The following SMG8 variants were observed in gnomAD, a reference collection of about 807,000 sequenced individuals.
The protein encoded by SMG8 is SMG8 nonsense mediated mRNA decay factor.
SMG8 carries 49 observed loss-of-function variants against 82.1 expected under a neutral mutation model. The observed-to-expected ratio is 0.60, with a 90% CI of 0.47 to 0.76. SMG8 has a LOEUF of 0.76. Ranked by LOEUF, SMG8 falls within the 30% of genes least tolerant of loss-of-function variation. SMG8 has a pLI of 0.00. For synonymous variants in SMG8, 404 were observed against 430.0 expected (o/e 0.94, Z 0.75); for missense variants, 969 against 1,166.4 (o/e 0.83, Z 2.46).
Position 59,212,943 on chromosome 17 carries a change from G to A in SMG8, c.2120G>A (p.Gly707Asp), listed in dbSNP as rs1255706272. The change falls in exon 3 of 4, where the codon GGT (glycine) becomes GAT (aspartate). Residue 707 changes from glycine to aspartate, a missense_variant. Physicochemically the swap from Gly to Asp is moderately conservative, Grantham distance 94 (BLOSUM62 -1). Coordinates refer to ENST00000300917, the MANE Select transcript of SMG8 (RefSeq NM_018149.7). Reference protein sequence around the residue: ...LSLGQSTDSLGTYPADPQAGG... With the variant: ...LSLGQSTDSLDTYPADPQAGG... The stretch of plus-strand genomic sequence containing the variant: ...TTGGGCCAATCCACAGATAGCTTAG[G>A]TACCTATCCAGCTGATCCACAAGCA... The A allele has an allele frequency of 6.2e-7, 1 of 1,614,098 alleles. No individual in the cohort carries two copies. Among genetic ancestry groups the A allele is most frequent in the South Asian group, 1.1e-5 (1 of 91,080 alleles).
At position 59,214,979 on chromosome 17, in the gene SMG8, G is replaced by T. The variant is rs772069320; in HGVS notation, c.2953G>T (p.Val985Phe). The change falls in exon 4 of 4, where the codon GTT becomes TTT. Residue 985 changes from valine to phenylalanine, a missense_variant. Coordinates refer to ENST00000300917, the MANE Select transcript of SMG8 (RefSeq NM_018149.7). Reference protein sequence around the residue: ...QLMSYKVLRGVLKAVTQ With the variant: ...QLMSYKVLRGFLKAVTQ Reference sequence around the variant, plus strand: ...AATGAGCTACAAGGTGCTCCGTGGGGTTCTTAAGGCAGTAACACAATAAGT... The same window carrying T: ...AATGAGCTACAAGGTGCTCCGTGGGTTTCTTAAGGCAGTAACACAATAAGT... 4 of 872,840 alleles carry T rather than the reference G, an allele frequency of 4.6e-6. No individual in the cohort carries two copies. Among genetic ancestry groups the T allele is most frequent in the East Asian group, 2.4e-5 (1 of 41,702 alleles). 54.1% of individuals were successfully genotyped at this position (872,840 alleles called of 1,614,324 possible).
At chr17:59,213,777 A>C (rs56327444) in intron 3 of SMG8, among the ~76,000 whole-genome samples, 176 bp downstream of exon 3, 1 of 152,158 alleles carries the variant, frequency 6.6e-6, no homozygotes, top group Non-Finnish European at 1.5e-5. Context: ...GCTTGAGCCC[A>C]GGAGTTTAAG....
chr17:59,211,839 A>AT, intron 1 of SMG8, 29 bp downstream of exon 1: 1 of 1,495,238 alleles, frequency 6.7e-7, no homozygotes, highest in Non-Finnish European at 8.9e-7. Context: ...GCATTTTGAA[A>AT]TAAAAACTTT....
Position 59,214,818 on chromosome 17 carries a change from C to T in SMG8, c.2792C>T (p.Pro931Leu), listed in dbSNP as rs1778352379. Residue 931 changes from proline to leucine, a missense_variant, in exon 4 of 4, where the codon CCA becomes CTA. By Grantham distance (98) the Pro-to-Leu change is moderately conservative. This residue lies in a region of SMG8 where 101 missense variants were observed against 91.1 expected (regional missense o/e 1.11). Coordinates refer to ENST00000300917, the MANE Select transcript of SMG8 (RefSeq NM_018149.7). ...TGTGTTTTTCAGGTTCAGCCAGGCCCACCACCATGTCCGGTATTCTACCCA... is the reference window on the plus strand; with the variant it reads ...TGTGTTTTTCAGGTTCAGCCAGGCCTACCACCATGTCCGGTATTCTACCCA... ...IILMPQVQPG[P>L]PPCPVFYPEK... 1.1e-6 allele frequency: 1 copy of T among 872,862 alleles called. No homozygotes were observed. Among genetic ancestry groups the T allele is most frequent in the Non-Finnish European group, 2.0e-6 (1 of 501,648 alleles). 54.1% of individuals were successfully genotyped at this position (872,862 alleles called of 1,614,324 possible).
rs2046946035 is a variant in SMG8 at position 59,211,593 on chromosome 17, T to A, written c.1542T>A (p.Asn514Lys). ...TGGCCCACAGTGCCTACCAGTCAAATTTGCCTCATAATTACACAATGACTG... is the reference window on the plus strand; with the variant it reads ...TGGCCCACAGTGCCTACCAGTCAAAATTGCCTCATAATTACACAATGACTG... ...LPMAHSAYQS[N>K]LPHNYTMTVH... Residue 514 changes from asparagine (N) to lysine (K), a missense_variant, in exon 1 of 4, where the codon AAT becomes AAA. Around this residue, in one of 3 missense-constraint regions of SMG8, gnomAD observed 662 missense variants for 884.8 expected, o/e 0.75. Coordinates refer to ENST00000300917, the MANE Select transcript of SMG8 (RefSeq NM_018149.7). 6.2e-7 allele frequency: 1 copy of A among 1,614,168 alleles called. No homozygotes were observed. Among genetic ancestry groups the A allele is most frequent in the Non-Finnish European group, 8.5e-7 (1 of 1,180,038 alleles).
Position 59,213,336 on chromosome 17 carries a change from G to T in SMG8, c.2513G>T (p.Arg838Leu). Reference sequence around the variant, plus strand: ...GCGGTTGTAATGGGAAGAGGAAGACGGCGAGATGACATAGCTCGAGCTTTT... The same window carrying T: ...GCGGTTGTAATGGGAAGAGGAAGACTGCGAGATGACATAGCTCGAGCTTTT... The part of the protein sequence containing the change: ...RSAVVMGRGR[R>L]RDDIARAFVG... Residue 838 changes from arginine (R) to leucine (L), a missense_variant, in exon 3 of 4, where the codon CGG (arginine) becomes CTG (leucine). Coordinates refer to ENST00000300917, the MANE Select transcript of SMG8 (RefSeq NM_018149.7). 1 of 1,614,198 alleles carries T rather than the reference G, an allele frequency of 6.2e-7. No individual in the cohort carries two copies. Among genetic ancestry groups the T allele is most frequent in the South Asian group, 1.1e-5 (1 of 91,080 alleles).
chr17:59,215,212 T>G lies in SMG8; in HGVS notation c.*210T>G. ...GTGACTACAACTTTCTAATAAAGAT[T>G]GGTTGTTCTAGAAAAGAATATAAAA... On this transcript the variant is annotated 3_prime_UTR_variant, in exon 4 of 4. Transcript: ENST00000300917. The G allele has an allele frequency of 2.0e-6, 1 of 498,990 alleles. No individual in the cohort carries two copies. Among genetic ancestry groups the G allele is most frequent in the Non-Finnish European group, 3.6e-6 (1 of 281,578 alleles). The allele number at this position is 498,990 out of a possible 1,614,324, so 30.9% of individuals were successfully genotyped here.
Position 59,210,272 on chromosome 17 carries a change from G to A in SMG8, c.221G>A (p.Arg74Gln), listed in dbSNP as rs2046939399. The change falls in exon 1 of 4, where the codon CGA becomes CAA. Residue 74 changes from arginine (R) to glutamine (Q), a missense_variant. Coordinates refer to ENST00000300917, the MANE Select transcript of SMG8 (RefSeq NM_018149.7). ...TCTCTTGTGAATACGGTGTGCGACC[G>A]ACAGGTCTTTCCTCTCTTTCGCCAC... ...KFSLVNTVCD[R>Q]QVFPLFRHQD... 6.2e-7 allele frequency: 1 copy of A among 1,613,086 alleles called. No individual in the cohort carries two copies. The highest frequency in any genetic ancestry group is 1.3e-5 in the African/African-American group (1 of 74,928).
At chr17:59,213,649 T>C in intron 3 of SMG8, 48 bp downstream of exon 3, 1 of 1,531,762 alleles carries the variant, frequency 6.5e-7, no homozygotes, top group South Asian at 1.3e-5. Flanking sequence ...AAAATGCTGA[T>C]GTTTGTTTTG....
Position 59,210,768 on chromosome 17 carries a change from G to A in SMG8, c.717G>A (p.Pro239=), listed in dbSNP as rs779825094. The A allele has an allele frequency of 1.2e-6, 2 of 1,613,998 alleles. No individual in the cohort carries two copies. Among genetic ancestry groups the A allele is most frequent in the Non-Finnish European group, 1.7e-6 (2 of 1,180,008 alleles). Residue 239 remains proline, a synonymous_variant, in exon 1 of 4, where the codon CCG becomes CCA. Coordinates refer to ENST00000300917, the MANE Select transcript of SMG8 (RefSeq NM_018149.7). ...ATGGGCTGAGACAGAAGGTCCTGCC[G>A]CTCCTTAAAACAGCCATTAAGGATT... is the stretch of plus-strand genomic sequence containing the variant. ...ALDGLRQKVL[P]LLKTAIKDCP... is the part of the protein sequence containing the mutation.
At chr17:59,214,653 T>A in intron 3 of SMG8, 152 bp from the exon 4 acceptor site, 1 of 595,200 alleles carries the variant, frequency 1.7e-6, no homozygotes, top group South Asian at 2.0e-5. Context: ...GTGATTCACC[T>A]GCCTCAGCCT....
Position 59,211,615 on chromosome 17 carries a change from A to T in SMG8, c.1564A>T (p.Thr522Ser). Residue 522 changes from threonine to serine, a missense_variant, in exon 1 of 4, where the codon ACT becomes TCT. Physicochemically the swap from Thr to Ser is moderately conservative, Grantham distance 58. This residue lies in a region of SMG8 where 662 missense variants were observed against 884.8 expected (regional missense o/e 0.75). Coordinates refer to ENST00000300917, the MANE Select transcript of SMG8 (RefSeq NM_018149.7). ...AAATTTGCCTCATAATTACACAATG[A>T]CTGTCCATAAGAATCAGCTTGCCCA... ...QSNLPHNYTM[T>S]VHKNQLAQAL... The T allele has an allele frequency of 6.2e-7, 1 of 1,614,118 alleles. No individual in the cohort carries two copies. The highest frequency in any genetic ancestry group is 8.5e-7 in the Non-Finnish European group (1 of 1,180,010).
At position 59,210,861 on chromosome 17, in the gene SMG8, A is replaced by G. The variant is rs139994067; in HGVS notation, c.810A>G (p.Gln270=). 5 of 1,613,914 alleles carry G rather than the reference A, an allele frequency of 3.1e-6. No homozygotes were observed. The highest frequency in any genetic ancestry group is 1.1e-5 in the South Asian group (1 of 91,076). ...PCPPRLLFLF[Q]LNGALKVEPP... ...CACCTAGACTCCTTTTCCTCTTTCA[A>G]CTCAATGGAGCCCTCAAGGTAGAAC... Residue 270 remains glutamine, a synonymous_variant, in exon 1 of 4, where the codon CAA becomes CAG. Coordinates refer to ENST00000300917, the MANE Select transcript of SMG8 (RefSeq NM_018149.7).
At chr17:59,212,315 T>C in intron 1 of SMG8, 26 bp from the exon 2 acceptor site, 1 of 1,543,454 alleles carries the variant, frequency 6.5e-7, no homozygotes, top group Non-Finnish European at 8.8e-7. Context: ...GTTTATGAAA[T>C]TAATAGTGGC....
In SMG8 at chr17:59,214,424, T is replaced by G. The variant is rs776429519; in HGVS notation, c.2779-381T>G. On this transcript the variant is annotated intron_variant, in intron 3 of 3. Coordinates refer to ENST00000300917, the MANE Select transcript of SMG8 (RefSeq NM_018149.7). ...ATTCTTTTATTTATTTATTTGTTTG[T>G]TTTTTTGAGACAGTCTCGCTCTGTT... Among the ~76,000 whole-genome samples, 23 of 152,294 alleles carry G rather than the reference T, an allele frequency of 1.5e-4. No homozygotes were observed. The Middle Eastern group carries it at 0.017, about 113-fold the overall frequency.
Position 59,210,211 on chromosome 17 carries a change from G to A in SMG8, c.160G>A (p.Gly54Ser), listed in dbSNP as rs979372714. ...EDEICVVGIF[G>S]KTALRLNSEK... ...TGAGATCTGCGTTGTGGGAATCTTC[G>A]GCAAGACGGCTCTACGCCTGAATTC... The change falls in exon 1 of 4, where the codon GGC becomes AGC. Residue 54 changes from glycine (G) to serine (S), a missense_variant. Gly to Ser is a moderately conservative substitution (Grantham distance 56). Coordinates refer to ENST00000300917, the MANE Select transcript of SMG8 (RefSeq NM_018149.7). 6.2e-7 allele frequency: 1 copy of A among 1,602,888 alleles called. No individual in the cohort carries two copies. Among genetic ancestry groups the A allele is most frequent in the African/African-American group, 1.3e-5 (1 of 74,728 alleles).
rs149511152 is a variant in SMG8, at chr17:59,210,609, C to G, written c.558C>G (p.His186Gln). The G allele has an allele frequency of 5.2e-5, 84 of 1,604,828 alleles. No individual in the cohort carries two copies. The highest frequency in any genetic ancestry group is 7.1e-5 in the Non-Finnish European group (83 of 1,176,070). The change falls in exon 1 of 4, where the codon CAC becomes CAG. Residue 186 changes from histidine (H) to glutamine (Q), a missense_variant. His to Gln is a conservative substitution (Grantham distance 24). Around this residue, in one of 3 missense-constraint regions of SMG8, gnomAD observed 662 missense variants for 884.8 expected, o/e 0.75. Transcript: ENST00000300917. Reference protein sequence around the residue: ...GGLSLPHAEAHEFWKHQEKLQ... With the variant: ...GGLSLPHAEAQEFWKHQEKLQ... Reference sequence around the variant, plus strand: ...TCTCTTTACCTCATGCAGAAGCACACGAGTTCTGGAAGCATCAAGAGAAGC... The same window carrying G: ...TCTCTTTACCTCATGCAGAAGCACAGGAGTTCTGGAAGCATCAAGAGAAGC...
intron 1 of SMG8, chr17:59,212,121 T>C (rs906411925): frequency 3.2e-5 from 14 of 432,206 alleles, no homozygotes; most frequent in African/African-American, 2.0e-4. Flanking sequence ...ATGAATGTTA[T>C]GTTAGATGAT....
In SMG8 at chr17:59,215,088, G is replaced by GT. The variant is rs1597952788; in HGVS notation, c.*90dup. The GT allele has an allele frequency of 3.0e-5, 23 of 762,646 alleles. No homozygotes were observed. In the East Asian group the frequency reaches 5.7e-4, roughly 19 times the overall value. The allele number at this position is 762,646 out of a possible 1,614,324, so 47.2% of individuals were successfully genotyped here. ...TGTGTTTTTGGTATGTGTTTACTGT[G>GT]TTTTCCCAAATCCAAAATGTGTTTT... is the stretch of plus-strand genomic sequence containing the variant. On this transcript the variant is annotated 3_prime_UTR_variant, in exon 4 of 4. Transcript: ENST00000300917.
Sources: allele counts gnomAD v4.1 joint callset (sites outside exome capture counted in the v4.1 genomes callset), GRCh38; gene constraint gnomAD v4.1.1; regional missense constraint gnomAD v4.1.1; transcripts MANE v1.5; gene names NCBI Gene and HGNC (gene_info 2026-07-23, HGNC 2026-07-21).